KHDRBS2: variants seen among roughly 807,000 people sequenced by gnomAD.
KHDRBS2 encodes the protein KH domain-containing, RNA-binding, signal transduction-associated protein 2.
Under a neutral mutation model 44.3 loss-of-function variants are expected in KHDRBS2, and 26 were observed. The ratio of observed to expected loss-of-function variants is 0.59; its 90% CI spans 0.43 to 0.81. The LOEUF is 0.81. Ranked by LOEUF, KHDRBS2 falls within the 40% of genes least tolerant of loss-of-function variation. The pLI is 0.00. For missense variants in KHDRBS2, 476 were observed against 433.1 expected (o/e 1.10, Z -0.88); for synonymous variants, 194 against 151.1 (o/e 1.28, Z -2.08).
intron 2 of KHDRBS2, among the ~76,000 whole-genome samples, chr6:62,141,862 G>A (rs1378647335): frequency 1.3e-5 from 2 of 152,026 alleles, no homozygotes; most frequent in South Asian, 2.1e-4. Flanking sequence ...TCAGTCAAAT[G>A]TATTATATCT....
the KHDRBS2 span, among the ~76,000 whole-genome samples, chr6:61,571,696 G>T: frequency 6.6e-6 from 1 of 152,020 alleles, no homozygotes; most frequent in African/African-American, 2.4e-5. Flanking sequence ...TAAGAAAATT[G>T]AAATTATATC....
At chr6:61,604,391 T>A in the KHDRBS2 span, among the ~76,000 whole-genome samples, 1 of 152,134 alleles carries the variant, frequency 6.6e-6, no homozygotes, top group African/African-American at 2.4e-5. Flanking sequence ...TTTTTCTCCT[T>A]CTCATCTGGT....
At chr6:61,551,747 C>A in the KHDRBS2 span, among the ~76,000 whole-genome samples, 1 of 152,158 alleles carries the variant, frequency 6.6e-6, no homozygotes, top group Non-Finnish European at 1.5e-5. Context: ...GCATACCATG[C>A]TGCTTGGGTT....
the KHDRBS2 span, among the ~76,000 whole-genome samples, chr6:61,672,282 T>C: frequency 3.0e-3 from 463 of 152,110 alleles, 2 homozygotes; most frequent in Non-Finnish European, 5.0e-3. Flanking sequence ...TCTTTGCTAA[T>C]GTGAATAATG....
intron 6 of KHDRBS2, among the ~76,000 whole-genome samples, chr6:61,847,151 C>T (rs1312419301): frequency 6.6e-6 from 1 of 151,922 alleles, no homozygotes; most frequent in African/African-American, 2.4e-5. Context: ...TTTTTCCTAA[C>T]GTTTATTTTT....
At chr6:61,852,046 A>C (rs1795504065) in intron 6 of KHDRBS2, among the ~76,000 whole-genome samples, 2 of 152,012 alleles carry the variant, frequency 1.3e-5, no homozygotes, top group African/African-American at 4.8e-5. Context: ...ACATGGTGAA[A>C]CCGCATCTCT....
At chr6:61,775,257 C>A (rs1436864052) in intron 6 of KHDRBS2, among the ~76,000 whole-genome samples, 1 of 152,068 alleles carries the variant, frequency 6.6e-6, no homozygotes, top group Non-Finnish European at 1.5e-5. Flanking sequence ...TCTCTCACCA[C>A]TCGTACTAAA....
intron 8 of KHDRBS2, among the ~76,000 whole-genome samples, chr6:61,696,233 T>C (rs1218028559): frequency 2.8e-5 from 3 of 109,036 alleles, no homozygotes; most frequent in Non-Finnish European, 4.1e-5. Flanking sequence ...ATGCCATATA[T>C]GTATTTTATT....
chr6:61,780,959 A>G (rs1262835611), intron 6 of KHDRBS2, among the ~76,000 whole-genome samples: 7 of 152,254 alleles, frequency 4.6e-5, no homozygotes, highest in Middle Eastern at 3.4e-3. Flanking sequence ...CTTTCCTTAT[A>G]TATCAGTTTA....
At chr6:62,197,298 C>A (rs1463965484) in intron 1 of KHDRBS2, among the ~76,000 whole-genome samples, 1 of 152,040 alleles carries the variant, frequency 6.6e-6, no homozygotes, top group Non-Finnish European at 1.5e-5. Context: ...TTAAAACTTG[C>A]AAACCCAATT....
intron 6 of KHDRBS2, among the ~76,000 whole-genome samples, chr6:61,756,287 C>T (rs372135083): frequency 6.6e-5 from 10 of 151,652 alleles, no homozygotes; most frequent in East Asian, 3.9e-4. Flanking sequence ...GATGGAATCC[C>T]GCTCTGTTGC....
chr6:61,735,320 T>C (rs1373552073), intron 6 of KHDRBS2, among the ~76,000 whole-genome samples: 1 of 152,160 alleles, frequency 6.6e-6, no homozygotes, highest in Non-Finnish European at 1.5e-5. Flanking sequence ...ATTTTATCCC[T>C]AAATACTTCA....
intron 2 of KHDRBS2, 151 bp from the exon 3 acceptor site, chr6:62,048,145 C>CACT: frequency 1.7e-6 from 1 of 597,754 alleles, no homozygotes; most frequent in Non-Finnish European, 3.0e-6. Flanking sequence ...CACACACACA[C>CACT]ACACACACAC....
intron 5 of KHDRBS2, among the ~76,000 whole-genome samples, chr6:61,898,416 G>A (rs1227170368): frequency 1.3e-5 from 2 of 151,782 alleles, no homozygotes; most frequent in Non-Finnish European, 2.9e-5. Flanking sequence ...GTCTCTAAGT[G>A]ATTATTGTAT....
At chr6:61,650,386 T>C in the KHDRBS2 span, among the ~76,000 whole-genome samples, 4 of 143,136 alleles carry the variant, frequency 2.8e-5, no homozygotes, top group Non-Finnish European at 1.5e-5. Flanking sequence ...TCATGCCTTG[T>C]TCACTGCTTT....
intron 6 of KHDRBS2, among the ~76,000 whole-genome samples, chr6:61,750,355 T>A (rs137861942): frequency 1.4e-4 from 21 of 152,236 alleles, no homozygotes; most frequent in Admixed American, 1.2e-3. Context: ...ACTGGTAAAG[T>A]GGGAAACAAG....
intron 4 of KHDRBS2, among the ~76,000 whole-genome samples, chr6:61,970,304 G>GT (rs1030433202): frequency 6.6e-6 from 1 of 151,028 alleles, no homozygotes; most frequent in Non-Finnish European, 1.5e-5. Context: ...GAGCTGATTA[G>GT]TTAAAAAAAA....
rs1198406649 is a variant in KHDRBS2 at position 61,985,427 on chromosome 6, G to A, written c.337-7215C>T. Among the ~76,000 whole-genome samples the A allele has an allele frequency of 1.3e-5, 2 of 152,100 alleles. 1 individual carries two copies. Among genetic ancestry groups the A allele is most frequent in the Admixed American group, 1.3e-4 (2 of 15,246 alleles). On this transcript the variant is annotated intron_variant, in intron 3 of 8. Coordinates refer to ENST00000281156, the MANE Select transcript of KHDRBS2 (RefSeq NM_152688.4). ...CAAGAGCCTTGACCAGAAGTTAAAA[G>A]CTGCCTTAGAACTACTAACTGTGGG...
chr6:61,710,296 C>T (rs566351487), intron 7 of KHDRBS2, among the ~76,000 whole-genome samples: 1 of 151,690 alleles, frequency 6.6e-6, no homozygotes, highest in Admixed American at 6.6e-5. Flanking sequence ...CTGCTTACTA[C>T]AAAACATTAG....
Sources: gnomAD v4.1 joint callset for allele counts (sites outside exome capture counted in the v4.1 genomes callset) on GRCh38, gnomAD v4.1.1 for gene constraint, MANE v1.5 for transcripts, NCBI Gene and HGNC (gene_info 2026-07-23, HGNC 2026-07-21) for gene names.